Variants in ZMYND11 observed in about 807,000 individuals in gnomAD.
The protein encoded by ZMYND11 is zinc finger MYND-type containing 11.
In ZMYND11, 9 loss-of-function variants were observed where a neutral mutation model predicts 84.9. That is an observed-to-expected ratio of 0.11 (90% CI 0.06 to 0.18). The LOEUF is 0.18. Ranked by LOEUF, ZMYND11 falls within the 10% of genes least tolerant of loss-of-function variation. The pLI is 1.00. For synonymous variants in ZMYND11, 250 were observed against 244.1 expected (o/e 1.02, Z -0.23); for missense variants, 409 against 761.0 (o/e 0.54, Z 5.44).
rs1135401797 is a variant in ZMYND11, at chr10:180,088, C to T, written c.76C>T (p.Arg26Trp). Reference protein sequence around the residue: ...QHLWAAIEIIRNQKQIANIDR... With the variant: ...QHLWAAIEIIWNQKQIANIDR... ...TCTTTGGGCAGCCATTGAGATTATA[C>T]GGAACCAGAAGCAGATTGCCAACAT... The change falls in exon 2 of 15, where the codon CGG becomes TGG. Residue 26 changes from arginine (R) to tryptophan (W), a missense_variant. Arg to Trp is a moderately radical substitution (Grantham distance 101). Coordinates refer to ENST00000381604, the MANE Select transcript of ZMYND11 (RefSeq NM_001370100.5). 1 of 1,613,126 alleles carries T rather than the reference C, an allele frequency of 6.2e-7. No homozygotes were observed.
In ZMYND11 at chr10:156,747, A is replaced by G. The variant is rs527540296; in HGVS notation, c.-20+21188A>G. Among the ~76,000 whole-genome samples, 4 of 152,308 alleles carry G rather than the reference A, an allele frequency of 2.6e-5. No homozygotes were observed. In the East Asian group the frequency reaches 7.7e-4, roughly 29 times the overall value. On this transcript the variant is annotated intron_variant, in intron 1 of 14. Coordinates refer to ENST00000381604, the MANE Select transcript of ZMYND11 (RefSeq NM_001370100.5). ...GAAGTAACATATTTGTGGAGTGGAG[A>G]ATTTCAGGTTGTTTGGTCTGAGTTT...
chr10:190,976 G>A (rs144684385), intron 2 of ZMYND11, among the ~76,000 whole-genome samples: 1 of 152,158 alleles, frequency 6.6e-6, no homozygotes, highest in East Asian at 1.9e-4. Flanking sequence ...TTGATGGTGA[G>A]CACCTTGAGG....
At chr10:240,006 C>A in intron 7 of ZMYND11, 50 bp from the exon 8 acceptor site, 1 of 1,483,322 alleles carries the variant, frequency 6.7e-7, no homozygotes, top group South Asian at 1.2e-5. Context: ...AACTTTGAGT[C>A]TTGTATTTGC....
intron 1 of ZMYND11, among the ~76,000 whole-genome samples, chr10:156,807 T>C (rs961276515): frequency 2.0e-5 from 3 of 152,180 alleles, no homozygotes; most frequent in Admixed American, 6.5e-5. Context: ...TGAATACTTA[T>C]TTAATAAAAA....
chr10:143,172 T>G (rs955060216), intron 1 of ZMYND11, among the ~76,000 whole-genome samples: 37 of 152,320 alleles, frequency 2.4e-4, no homozygotes, highest in African/African-American at 8.2e-4. Context: ...TGTGCCGTCA[T>G]CTAACATAAA....
chr10:248,967 G>A lies in ZMYND11; in HGVS notation c.1565G>A (p.Gly522Asp). ...AVNKAVANMQ[G>D]EMDRKCKQVK... is the part of the protein sequence containing the mutation. ...AATAAAGCTGTAGCCAACATGCAGG[G>A]TGAGATGGACAGAAAATGTAAGCAA... Residue 522 changes from glycine to aspartate, a missense_variant, in exon 14 of 15, where the codon GGT becomes GAT. Around this residue, in one of 7 missense-constraint regions of ZMYND11, gnomAD observed 141 missense variants for 173.8 expected, o/e 0.81. Coordinates refer to ENST00000381604, the MANE Select transcript of ZMYND11 (RefSeq NM_001370100.5). 6.2e-7 allele frequency: 1 copy of A among 1,614,226 alleles called. No individual in the cohort carries two copies. Among genetic ancestry groups the A allele is most frequent in the Non-Finnish European group, 8.5e-7 (1 of 1,180,040 alleles).
At chr10:159,913 A>C (rs9419496) in intron 1 of ZMYND11, among the ~76,000 whole-genome samples, 103,463 of 152,026 alleles carry the variant, frequency 0.68, 35,495 homozygotes, top group East Asian at 0.83. Flanking sequence ...ATCATATCAT[A>C]GGTGCCATCT....
intron 1 of ZMYND11, among the ~76,000 whole-genome samples, chr10:143,868 G>T (rs1221789522): frequency 6.6e-6 from 1 of 152,124 alleles, no homozygotes; most frequent in Non-Finnish European, 1.5e-5. Flanking sequence ...GCAGGGTCAG[G>T]TAGCTCACGC....
intron 2 of ZMYND11, among the ~76,000 whole-genome samples, chr10:208,599 G>C (rs1944611264): frequency 6.6e-6 from 1 of 151,726 alleles, no homozygotes; most frequent in Non-Finnish European, 1.5e-5. Flanking sequence ...CAGTCCCTGA[G>C]ATAGTTGTTC....
intron 1 of ZMYND11, among the ~76,000 whole-genome samples, chr10:151,093 T>C (rs570523732): frequency 6.6e-6 from 1 of 151,996 alleles, no homozygotes; most frequent in Admixed American, 6.5e-5. Flanking sequence ...AGACCAAAGG[T>C]ACATAAAACC....
chr10:164,826 A>G (rs1465931217), intron 1 of ZMYND11, among the ~76,000 whole-genome samples: 1 of 152,180 alleles, frequency 6.6e-6, no homozygotes, highest in Non-Finnish European at 1.5e-5. Context: ...AGATAATTAC[A>G]TAAGGGTAGG....
intron 1 of ZMYND11, among the ~76,000 whole-genome samples, chr10:170,264 G>A (rs72651802): frequency 1.3e-5 from 2 of 152,092 alleles, no homozygotes; most frequent in Admixed American, 6.6e-5. Context: ...GTTAAAAAAA[G>A]TTCTTCAGAA....
At chr10:146,134 T>C (rs1018685082) in intron 1 of ZMYND11, among the ~76,000 whole-genome samples, 1 of 152,168 alleles carries the variant, frequency 6.6e-6, no homozygotes, top group Admixed American at 6.5e-5. Flanking sequence ...TATTAGATAA[T>C]GTGTCCTTTC....
chr10:140,083 A>G (rs1345046579), intron 1 of ZMYND11, among the ~76,000 whole-genome samples: 2 of 152,130 alleles, frequency 1.3e-5, no homozygotes, highest in Admixed American at 6.5e-5. Context: ...ACACTCTTAT[A>G]ATTGCATCCT....
At chr10:211,311 TTGAG>T (rs1463993361) in intron 3 of ZMYND11, among the ~76,000 whole-genome samples, 2 of 152,102 alleles carry the variant, frequency 1.3e-5, no homozygotes, top group African/African-American at 4.8e-5. Flanking sequence ...TTTCTATAGA[TTGAG>T]TTTGTGAAAG....
intron 2 of ZMYND11, chr10:198,032 A>C (rs956755240): frequency 2.2e-5 from 13 of 596,128 alleles, no homozygotes; most frequent in Non-Finnish European, 3.3e-5. Context: ...AAAGTTGGTA[A>C]AATTTGGGGA....
chr10:240,202 A>G, intron 8 of ZMYND11, 91 bp downstream of exon 8: 4 of 1,170,214 alleles, frequency 3.4e-6, no homozygotes, highest in Non-Finnish European at 3.6e-6. Context: ...TAGTTGTGCC[A>G]TTTCCTTTAA....
At chr10:232,959 A>G (rs1949258820) in intron 4 of ZMYND11, among the ~76,000 whole-genome samples, 1 of 152,230 alleles carries the variant, frequency 6.6e-6, no homozygotes, top group Admixed American at 6.5e-5. Flanking sequence ...AGATCCCTTT[A>G]AAAGAGCATT....
intron 3 of ZMYND11, among the ~76,000 whole-genome samples, chr10:219,114 G>A (rs1946689536): frequency 6.6e-6 from 1 of 152,050 alleles, no homozygotes; most frequent in South Asian, 2.1e-4. Flanking sequence ...TTTCATTTCT[G>A]TAATTGGTTA....
Sources: gnomAD v4.1 joint callset for allele counts (sites outside exome capture counted in the v4.1 genomes callset) on GRCh38, gnomAD v4.1.1 for gene constraint, gnomAD v4.1.1 regional missense constraint, MANE v1.5 for transcripts, NCBI Gene and HGNC (gene_info 2026-07-23, HGNC 2026-07-21) for gene names.